Variants in ADGRB3 observed in about 807,000 individuals in gnomAD.
ADGRB3 encodes brain-specific angiogenesis inhibitor 3.
In ADGRB3, 37 loss-of-function variants were observed where a neutral mutation model predicts 193.4. The observed-to-expected ratio is 0.19, with a 90% CI of 0.15 to 0.25. The LOEUF is 0.25. Ranked by LOEUF, ADGRB3 falls within the 10% of genes least tolerant of loss-of-function variation. ADGRB3 has a pLI of 1.00. For missense variants in ADGRB3, 1,637 were observed against 1,852.9 expected (o/e 0.88, Z 2.14); for synonymous variants, 690 against 644.2 (o/e 1.07, Z -1.08).
intron 16 of ADGRB3, among the ~76,000 whole-genome samples, chr6:69,074,731 C>G (rs370072090): frequency 5.8e-4 from 88 of 151,718 alleles, no homozygotes; most frequent in East Asian, 2.7e-3. Flanking sequence ...ATTTTTAGTA[C>G]AGACGGGGTT....
intron 17 of ADGRB3, among the ~76,000 whole-genome samples, chr6:69,151,093 C>T (rs1392482742): frequency 6.6e-6 from 1 of 152,184 alleles, no homozygotes; most frequent in East Asian, 1.9e-4. Context: ...GGTGCAAGTA[C>T]TCCTTAGTAG....
intron 3 of ADGRB3, among the ~76,000 whole-genome samples, chr6:68,834,895 C>A (rs562167): frequency 0.21 from 32,059 of 152,044 alleles, 3,972 homozygotes; most frequent in East Asian, 0.58. Context: ...CTTTAAGTTT[C>A]GGTCAAATTG....
intron 20 of ADGRB3, among the ~76,000 whole-genome samples, chr6:69,282,353 A>G (rs1767454612): frequency 6.6e-6 from 1 of 152,194 alleles, no homozygotes; most frequent in South Asian, 2.1e-4. Context: ...AAGCAGTACA[A>G]AAATGCCCCA....
At chr6:68,999,933 T>C (rs2150278351) in intron 11 of ADGRB3, among the ~76,000 whole-genome samples, 1 of 152,138 alleles carries the variant, frequency 6.6e-6, no homozygotes, top group South Asian at 2.1e-4. Context: ...ATTAGAAAAC[T>C]GCTCTGAATA....
intron 11 of ADGRB3, among the ~76,000 whole-genome samples, chr6:68,998,830 C>CTT (rs1769471588): frequency 6.6e-6 from 1 of 152,188 alleles, no homozygotes; most frequent in African/African-American, 2.4e-5. Context: ...GGTGCAGAGG[C>CTT]TTTGTCTGGT....
intron 23 of ADGRB3, 143 bp downstream of exon 23, chr6:69,330,715 AATT>A (rs1768702106): frequency 1.6e-5 from 8 of 516,008 alleles, no homozygotes; most frequent in East Asian, 1.3e-4. Flanking sequence ...ATTGAATATA[AATT>A]ATTATTCAGC....
At chr6:69,284,720 A>C (rs953667765) in intron 20 of ADGRB3, among the ~76,000 whole-genome samples, 6 of 152,166 alleles carry the variant, frequency 3.9e-5, no homozygotes, top group African/African-American at 1.2e-4. Context: ...TAACCTGACA[A>C]TTGACTGAAG....
intron 3 of ADGRB3, among the ~76,000 whole-genome samples, chr6:68,676,897 G>T (rs1769105640): frequency 1.3e-5 from 2 of 151,998 alleles, no homozygotes; most frequent in Admixed American, 1.3e-4. Context: ...AATTCTAATA[G>T]TCCCTAATCA....
chr6:68,756,765 A>G (rs1457407896), intron 3 of ADGRB3, among the ~76,000 whole-genome samples: 1 of 152,166 alleles, frequency 6.6e-6, no homozygotes, highest in Non-Finnish European at 1.5e-5. Context: ...ATAGTTGCAG[A>G]TACTCTGACT....
At chr6:69,169,135 TA>T in intron 17 of ADGRB3, among the ~76,000 whole-genome samples, 1 of 152,092 alleles carries the variant, frequency 6.6e-6, no homozygotes, top group East Asian at 1.9e-4. Context: ...AGATATACCT[TA>T]AAAAAAGAGT....
At chr6:68,918,882 T>G (rs1215298262) in intron 3 of ADGRB3, among the ~76,000 whole-genome samples, 1 of 152,154 alleles carries the variant, frequency 6.6e-6, no homozygotes, top group Non-Finnish European at 1.5e-5. Flanking sequence ...TAGAGAGGGA[T>G]TATATTTTAC....
At position 68,638,963 on chromosome 6, in the gene ADGRB3, A is replaced by G; in HGVS notation, c.288A>G (p.Glu96=). The change falls in exon 3 of 32, where the codon GAA becomes GAG. Residue 96 remains glutamate (E), a synonymous_variant. Coordinates refer to ENST00000370598, the MANE Select transcript of ADGRB3 (RefSeq NM_001704.3). ...ATCAGTTTGATCATTTTTCCCATGA[A>G]AAAATAAAGGATCTTTTAAGAAAGA... ...LAYQFDHFSH[E]KIKDLLRKNH... The G allele has an allele frequency of 1.2e-6, 2 of 1,614,074 alleles. No homozygotes were observed. The highest frequency in any genetic ancestry group is 1.1e-5 in the South Asian group (1 of 91,076).
At chr6:68,999,485 C>G (rs545525156) in intron 11 of ADGRB3, among the ~76,000 whole-genome samples, 1 of 152,186 alleles carries the variant, frequency 6.6e-6, no homozygotes, top group East Asian at 1.9e-4. Context: ...AGGATGGTCT[C>G]CATCTCCTGA....
chr6:69,114,057 C>T (rs1278922208), intron 17 of ADGRB3, among the ~76,000 whole-genome samples: 2 of 152,152 alleles, frequency 1.3e-5, no homozygotes, highest in African/African-American at 2.4e-5. Flanking sequence ...AGGGCAAAAT[C>T]GAGTATCCCA....
At chr6:68,835,509 A>G (rs2127385363) in intron 3 of ADGRB3, among the ~76,000 whole-genome samples, 1 of 152,144 alleles carries the variant, frequency 6.6e-6, no homozygotes, top group East Asian at 1.9e-4. Context: ...ATGACTTATT[A>G]AGGAACTAAG....
intron 3 of ADGRB3, among the ~76,000 whole-genome samples, chr6:68,720,940 C>T (rs908550822): frequency 1.2e-4 from 18 of 151,690 alleles, no homozygotes; most frequent in Non-Finnish European, 5.9e-5. Context: ...AATGTTTAAG[C>T]TTTCTGAAAG....
At chr6:68,782,957 C>T (rs569802566) in intron 3 of ADGRB3, among the ~76,000 whole-genome samples, 64 of 151,954 alleles carry the variant, frequency 4.2e-4, no homozygotes, top group African/African-American at 1.5e-3. Context: ...TGAACGTTAA[C>T]TCCGCTGTGG....
At chr6:68,822,483 T>C (rs1767764976) in intron 3 of ADGRB3, among the ~76,000 whole-genome samples, 2 of 151,948 alleles carry the variant, frequency 1.3e-5, no homozygotes, top group Non-Finnish European at 2.9e-5. Context: ...ATATTTGAGA[T>C]GCATTGTCAT....
intron 3 of ADGRB3, among the ~76,000 whole-genome samples, chr6:68,713,787 A>G (rs1411506881): frequency 6.6e-6 from 1 of 151,528 alleles, no homozygotes; most frequent in Non-Finnish European, 1.5e-5. Context: ...CTACAATTTT[A>G]GTTTTACATC....
Sources: allele counts gnomAD v4.1 joint callset (sites outside exome capture counted in the v4.1 genomes callset), GRCh38; gene constraint gnomAD v4.1.1; transcripts MANE v1.5; gene names NCBI Gene and HGNC (gene_info 2026-07-23, HGNC 2026-07-21).